VPS33B: variants seen among roughly 807,000 people sequenced by gnomAD.
VPS33B encodes the protein VPS33B late endosome and lysosome associated.
VPS33B carries 80 observed loss-of-function variants against 95.3 expected under a neutral mutation model. The ratio of observed to expected loss-of-function variants is 0.84; its 90% CI spans 0.70 to 1.01. The LOEUF (loss-of-function observed/expected upper bound fraction) is 1.01. Ranked by LOEUF, VPS33B falls within the 50% of genes least tolerant of loss-of-function variation. The pLI is 0.00. For missense variants in VPS33B, 715 were observed against 773.4 expected (o/e 0.92, Z 0.90); for synonymous variants, 280 against 280.4 (o/e 1.00, Z 0.01).
rs1334292406 is a variant in VPS33B, at chr15:90,998,884, G to A, written c.*91C>T. 18 of 1,399,188 alleles carry A rather than the reference G, an allele frequency of 1.3e-5. No homozygotes were observed. Among genetic ancestry groups the A allele is most frequent in the Non-Finnish European group, 1.8e-5 (18 of 997,260 alleles). 86.7% of individuals were successfully genotyped at this position (1,399,188 alleles called of 1,614,324 possible). A position where few individuals can be genotyped will look rare whatever the true frequency, so the allele number is the denominator to read the frequency against. On this transcript the variant is annotated 3_prime_UTR_variant, in exon 23 of 23. Coordinates refer to ENST00000333371, the MANE Select transcript of VPS33B (RefSeq NM_018668.5). The surrounding 1 kb of genome is among the most constrained non-coding windows in gnomAD (Gnocchi z 4.8). ...TCCCGGCTCTTAGCAGGTAGTTGGT[G>A]GACACTTGGTTATAGCAGCTGGGTG...
chr15:91,022,226 G>T lies in VPS33B; in HGVS notation c.24C>A (p.Asp8Glu). Reference protein sequence around the residue: MAFPHRPDAPELPDFSML... With the variant: MAFPHRPEAPELPDFSML... The stretch of plus-strand genomic sequence containing the variant: ...TGGAGAAGTCAGGCAGCTCAGGGGC[G>T]TCCGGCCGATGGGGAAAAGCCATGG... Residue 8 changes from aspartate (D) to glutamate (E), a missense_variant, in exon 1 of 23, where the codon GAC becomes GAA. Transcript: ENST00000333371. 6 of 1,579,820 alleles carry T rather than the reference G, an allele frequency of 3.8e-6. No homozygotes were observed. Among genetic ancestry groups the T allele is most frequent in the Non-Finnish European group, 5.2e-6 (6 of 1,159,486 alleles).
In VPS33B at chr15:91,003,087, G is replaced by C. The variant is rs757361736; in HGVS notation, c.1270C>G (p.Gln424Glu). ...DYRSLKTQYLQSYGPEHLLTF... is the reference protein window; with the variant it reads ...DYRSLKTQYLESYGPEHLLTF... ...AGAATACATTCTCCAGGCCTTACCTGCAGATACTGTGTTTTCAGAGATCGG... is the reference window on the plus strand; with the variant it reads ...AGAATACATTCTCCAGGCCTTACCTCCAGATACTGTGTTTTCAGAGATCGG... The change falls in exon 17 of 23, where the codon CAG (glutamine) becomes GAG (glutamate). Residue 424 changes from glutamine to glutamate, a missense_variant and splice_region_variant. By Grantham distance (29) the Gln-to-Glu change is conservative (BLOSUM62 2). Coordinates refer to ENST00000333371, the MANE Select transcript of VPS33B (RefSeq NM_018668.5). 5 of 1,613,992 alleles carry C rather than the reference G, an allele frequency of 3.1e-6. No homozygotes were observed. The highest frequency in any genetic ancestry group is 2.5e-6 in the Non-Finnish European group (3 of 1,179,996).
chr15:91,008,525 A>G (rs914637103), intron 6 of VPS33B, among the ~76,000 whole-genome samples: 2 of 152,200 alleles, frequency 1.3e-5, no homozygotes, highest in Non-Finnish European at 2.9e-5. Context: ...TTGGCCTCTC[A>G]AAGTGCTGGG....
Position 90,998,873 on chromosome 15 carries a change from A to G in VPS33B, c.*102T>C. On this transcript the variant is annotated 3_prime_UTR_variant, in exon 23 of 23. Transcript: ENST00000333371. The surrounding 1 kb of genome is among the most constrained non-coding windows in gnomAD (Gnocchi z 4.8). ...ACGTTCCATGCTCCCGGCTCTTAGC[A>G]GGTAGTTGGTGGACACTTGGTTATA... 2 of 1,225,528 alleles carry G rather than the reference A, an allele frequency of 1.6e-6. No homozygotes were observed. The highest frequency in any genetic ancestry group is 1.3e-5 in the South Asian group (1 of 79,032). The allele number at this position is 1,225,528 out of a possible 1,614,324, so 75.9% of individuals were successfully genotyped here. A position where few individuals can be genotyped will look rare whatever the true frequency, so the allele number is the denominator to read the frequency against.
chr15:91,020,496 GAACTAGTGGCTTT>G (rs1360385468), intron 1 of VPS33B, among the ~76,000 whole-genome samples: 2 of 151,624 alleles, frequency 1.3e-5, no homozygotes, highest in East Asian at 3.9e-4. Context: ...GATCTCACCT[GAACTAGTGGCTTT>G]AACTAGCACC....
chr15:91,001,359 GTC>G, intron 19 of VPS33B, 28 bp downstream of exon 19: 2 of 1,501,806 alleles, frequency 1.3e-6, no homozygotes, highest in Non-Finnish European at 1.9e-6. Flanking sequence ...TGAACCCACT[GTC>G]TCCCCTAACC....
Position 91,000,399 on chromosome 15 carries a change from A to AT in VPS33B, c.1581+90dup, listed in dbSNP as rs1313206376. 3.3e-6 allele frequency: 4 copies of AT among 1,216,390 alleles called. No homozygotes were observed. The highest frequency in any genetic ancestry group is 2.9e-5 in the East Asian group (1 of 34,640). 75.3% of individuals were successfully genotyped at this position (1,216,390 alleles called of 1,614,324 possible). On this transcript the variant is annotated intron_variant, in intron 20 of 22. Coordinates refer to ENST00000333371, the MANE Select transcript of VPS33B (RefSeq NM_018668.5). This position sits in a 1 kb window ranked among gnomAD's most constrained non-coding sequence, Gnocchi z 4.9. The stretch of plus-strand genomic sequence containing the variant: ...GTGACAGAGCAAGACTCCATCTCAA[A>AT]TAAAAAAAAAAAAACATTGAGACAC...
Position 90,998,916 on chromosome 15 carries a change from G to A in VPS33B, c.*59C>T, listed in dbSNP as rs2040348634. Reference sequence around the variant, plus strand: ...TGGTTATAGCAGCTGGGTGCCAGATGCCTGCATCTCACTGAGGAATGTGTT... The same window carrying A: ...TGGTTATAGCAGCTGGGTGCCAGATACCTGCATCTCACTGAGGAATGTGTT... On this transcript the variant is annotated 3_prime_UTR_variant, in exon 23 of 23. Coordinates refer to ENST00000333371, the MANE Select transcript of VPS33B (RefSeq NM_018668.5). This position sits in a 1 kb window ranked among gnomAD's most constrained non-coding sequence, Gnocchi z 4.8. 1.3e-5 allele frequency: 21 copies of A among 1,586,894 alleles called. No individual in the cohort carries two copies. The highest frequency in any genetic ancestry group is 1.6e-5 in the Non-Finnish European group (18 of 1,159,316).
chr15:91,019,713 A>G (rs1457583110), intron 1 of VPS33B, among the ~76,000 whole-genome samples: 1 of 152,194 alleles, frequency 6.6e-6, no homozygotes, highest in East Asian at 1.9e-4. Flanking sequence ...AAAACCATCC[A>G]CAGAGCGCAA....
intron 1 of VPS33B, 46 bp downstream of exon 1, chr15:91,022,108 G>T: frequency 6.5e-7 from 1 of 1,541,978 alleles, no homozygotes; most frequent in South Asian, 1.2e-5. Flanking sequence ...TGCATCCAAT[G>T]AGTGCTAAAC....
chr15:91,005,273 C>A lies in VPS33B; in HGVS notation c.1105+107G>T. On this transcript the variant is annotated intron_variant, in intron 14 of 22. Transcript: ENST00000333371. The surrounding 1 kb of genome is among the most constrained non-coding windows in gnomAD (Gnocchi z 6.4). ...AGCAGGAACCAGCATTCCACATAGC[C>A]AGTGTCAGCTGGAAAGAGCCAGAGA... 6.2e-7 allele frequency: 1 copy of A among 1,612,618 alleles called. No homozygotes were observed. Among genetic ancestry groups the A allele is most frequent in the Non-Finnish European group, 8.5e-7 (1 of 1,179,732 alleles).
chr15:91,017,164 C>T, intron 2 of VPS33B, 140 bp from the exon 3 acceptor site: 1 of 765,540 alleles, frequency 1.3e-6, no homozygotes, highest in East Asian at 2.6e-5. Context: ...ATTATGCTCC[C>T]CTGACGACCA....
downstream of VPS33B, chr15:90,998,557 A>G (rs779216053): frequency 3.2e-6 from 1 of 311,810 alleles, no homozygotes; most frequent in Non-Finnish European, 6.3e-6. The surrounding 1 kb of genome is among the most constrained non-coding windows in gnomAD (Gnocchi z 4.8). Context: ...GAAGAACCAG[A>G]CCAGGCCTGG....
chr15:91,016,865 G>A (rs972861641), intron 3 of VPS33B, 98 bp downstream of exon 3: 7 of 1,177,176 alleles, frequency 5.9e-6, no homozygotes, highest in South Asian at 1.2e-5. Context: ...GTTCAGGGAG[G>A]TGAACCATAT....
chr15:91,017,598 A>T (rs1355079683), intron 2 of VPS33B, among the ~76,000 whole-genome samples: 2 of 151,430 alleles, frequency 1.3e-5, no homozygotes, highest in African/African-American at 4.9e-5. Context: ...ACTGTATTCC[A>T]GCCTGGGCAA....
rs1483133348 is a variant in VPS33B at position 91,000,374 on chromosome 15, G to C, written c.1581+116C>G. 18 of 969,352 alleles carry C rather than the reference G, an allele frequency of 1.9e-5. No individual in the cohort carries two copies. Among genetic ancestry groups the C allele is most frequent in the Non-Finnish European group, 2.7e-5 (18 of 656,500 alleles). 60.0% of individuals were successfully genotyped at this position (969,352 alleles called of 1,614,324 possible). The stretch of plus-strand genomic sequence containing the variant: ...ATCGTGCCACCGCACTCCAGCCTGG[G>C]TGACAGAGCAAGACTCCATCTCAAA... On this transcript the variant is annotated intron_variant, in intron 20 of 22. Transcript: ENST00000333371. The surrounding 1 kb of genome is among the most constrained non-coding windows in gnomAD (Gnocchi z 4.9).
At position 91,006,137 on chromosome 15, in the gene VPS33B, T is replaced by C. The variant is rs1179467067; in HGVS notation, c.853-78A>G. On this transcript the variant is annotated intron_variant, in intron 11 of 22. Coordinates refer to ENST00000333371, the MANE Select transcript of VPS33B (RefSeq NM_018668.5). This position sits in a 1 kb window ranked among gnomAD's most constrained non-coding sequence, Gnocchi z 5.4. The stretch of plus-strand genomic sequence containing the variant: ...CAGTAGAATGACAGTACAGGAAGGG[T>C]ACTCAGGTGTTCTGGCAGAAATACA... The C allele has an allele frequency of 6.6e-7, 1 of 1,519,714 alleles. No homozygotes were observed. The highest frequency in any genetic ancestry group is 9.1e-7 in the Non-Finnish European group (1 of 1,101,530). The allele number at this position is 1,519,714 out of a possible 1,614,324, so 94.1% of individuals were successfully genotyped here.
At position 91,013,028 on chromosome 15, in the gene VPS33B, G is replaced by A. The variant is rs1477097026; in HGVS notation, c.357+776C>T. 6.6e-6 allele frequency among the ~76,000 whole-genome samples: 1 copy of A among 152,140 alleles called. No individual in the cohort carries two copies. The highest frequency in any genetic ancestry group is 2.4e-5 in the African/African-American group (1 of 41,434). On this transcript the variant is annotated intron_variant, in intron 5 of 22. Coordinates refer to ENST00000333371, the MANE Select transcript of VPS33B (RefSeq NM_018668.5). The surrounding 1 kb of genome is among the most constrained non-coding windows in gnomAD (Gnocchi z 4.5). ...CCAGCCACATCCTTATAAGCATAGC[G>A]GATGGGAAGAGGGAGGGTGATGATT...
rs1030048673 is a variant in VPS33B, at chr15:91,018,620, C to T, written c.97-735G>A. Among the ~76,000 whole-genome samples, 1 of 152,118 alleles carries T rather than the reference C, an allele frequency of 6.6e-6. No homozygotes were observed. The highest frequency in any genetic ancestry group is 1.5e-5 in the Non-Finnish European group (1 of 68,024). On this transcript the variant is annotated intron_variant, in intron 1 of 22. Transcript: ENST00000333371. This position sits in a 1 kb window ranked among gnomAD's most constrained non-coding sequence, Gnocchi z 4.7. The stretch of plus-strand genomic sequence containing the variant: ...ATTTTGCCCTCCGAGGGACATTTGG[C>T]AATGTCCAGACACATTTTTGGTTAT...
Sources: gnomAD v4.1 joint callset for allele counts (sites outside exome capture counted in the v4.1 genomes callset) on GRCh38, gnomAD v4.1.1 for gene constraint, Gnocchi (gnomAD v3.1) non-coding constraint, MANE v1.5 for transcripts, NCBI Gene and HGNC (gene_info 2026-07-23, HGNC 2026-07-21) for gene names.